Variants in UFM1 observed in about 807,000 individuals in gnomAD.
The protein encoded by UFM1 is ubiquitin fold modifier 1.
UFM1 carries 9 observed loss-of-function variants against 15.4 expected under a neutral mutation model. The ratio of observed to expected loss-of-function variants is 0.59; its 90% CI spans 0.35 to 1.02. The LOEUF (loss-of-function observed/expected upper bound fraction) is 1.02. UFM1 is among the 50% of genes least tolerant of loss of function. The probability of loss-of-function intolerance (pLI) is 0.02; values close to 1 mark genes in which losing one functional copy is unlikely to be tolerated. For missense variants in UFM1, 98 were observed against 104.7 expected, an observed-to-expected ratio of 0.94 and a Z score of 0.28; for synonymous variants, 27 against 36.3, an observed-to-expected ratio of 0.74 and a Z score of 0.92.
chr13:38,359,166 G>A (rs539064465), intron 4 of UFM1, 135 bp from the exon 5 acceptor site: 16 of 615,858 alleles, frequency 2.6e-5, no homozygotes, highest in African/African-American at 7.4e-5. Flanking sequence ...ATTGTCACTC[G>A]TGTTCTTGGA....
At chr13:38,355,707 A>G (rs908344175) in intron 3 of UFM1, among the ~76,000 whole-genome samples, 6 of 151,932 alleles carry the variant, frequency 3.9e-5, no homozygotes, top group South Asian at 2.1e-4. Context: ...TAAGAAAACC[A>G]TAAGAGAAAG....
rs191450183 is a variant in UFM1, at chr13:38,360,949, G to A, written c.*171G>A. ...TTGTCCATACTCTTCCTATGAAGAGGGAATGCGTATGAATTAAGGCTACTA... is the reference window on the plus strand; with the variant it reads ...TTGTCCATACTCTTCCTATGAAGAGAGAATGCGTATGAATTAAGGCTACTA... On this transcript the variant is annotated 3_prime_UTR_variant, in exon 6 of 6. Transcript: ENST00000239878. The A allele has an allele frequency of 2.9e-4, 148 of 518,066 alleles. 2 individuals are homozygous for A. The East Asian group carries it at 4.7e-3, about 16-fold the overall frequency. 32.1% of individuals were successfully genotyped at this position (518,066 alleles called of 1,614,324 possible). A position where few individuals can be genotyped will look rare whatever the true frequency, so the allele number is the denominator to read the frequency against.
Position 38,360,954 on chromosome 13 carries a change from G to A in UFM1, c.*176G>A. ...CATACTCTTCCTATGAAGAGGGAAT[G>A]CGTATGAATTAAGGCTACTACTGTC... On this transcript the variant is annotated 3_prime_UTR_variant, in exon 6 of 6. Coordinates refer to ENST00000239878, the MANE Select transcript of UFM1 (RefSeq NM_016617.4). 2.0e-6 allele frequency: 1 copy of A among 508,376 alleles called. No individual in the cohort carries two copies. The highest frequency in any genetic ancestry group is 3.5e-6 in the Non-Finnish European group (1 of 286,642). 31.5% of individuals were successfully genotyped at this position (508,376 alleles called of 1,614,324 possible). A position where few individuals can be genotyped will look rare whatever the true frequency, so the allele number is the denominator to read the frequency against.
At chr13:38,359,969 A>G in intron 5 of UFM1, 1 of 303,278 alleles carries the variant, frequency 3.3e-6, no homozygotes, top group Middle Eastern at 7.0e-4. Context: ...ACCTCATTCT[A>G]GAGCAGTAGT....
At chr13:38,359,240 C>G in intron 4 of UFM1, 61 bp from the exon 5 acceptor site, 1 of 1,539,794 alleles carries the variant, frequency 6.5e-7, no homozygotes, top group Non-Finnish European at 8.9e-7. Flanking sequence ...TCTTTCCTTG[C>G]TACTATTTAA....
At position 38,353,539 on chromosome 13, in the gene UFM1, GA is replaced by G. The variant is rs200415388; in HGVS notation, c.60-690del. 3.7e-3 allele frequency among the ~76,000 whole-genome samples: 552 copies of G among 147,630 alleles called. 2 individuals are homozygous for G. Among genetic ancestry groups the G allele is most frequent in the African/African-American group, 0.013 (508 of 40,324 alleles). On this transcript the variant is annotated intron_variant, in intron 2 of 5. Transcript: ENST00000239878. The stretch of plus-strand genomic sequence containing the variant: ...ATTGACCCTGGGACTAAGTCATTAA[GA>G]AAAAAAAAATATATTTATTCATGAT...
intron 3 of UFM1, chr13:38,354,518 A>G (rs902150220): frequency 1.8e-5 from 7 of 379,398 alleles, no homozygotes; most frequent in African/African-American, 1.5e-4. Flanking sequence ...TGAAAATTAT[A>G]AGAATTTAAT....
At chr13:38,350,149 G>A (rs751134835) in intron 2 of UFM1, 94 bp downstream of exon 2, 1 of 1,614,046 alleles carries the variant, frequency 6.2e-7, no homozygotes, top group South Asian at 1.1e-5. Context: ...ACCCCACGCA[G>A]TCTTCATCTC....
chr13:38,354,188 T>A (rs748118754), intron 2 of UFM1, 51 bp from the exon 3 acceptor site: 3 of 1,580,050 alleles, frequency 1.9e-6, no homozygotes, highest in East Asian at 4.5e-5. Flanking sequence ...AAAGGGGCTT[T>A]TTTAGAAAAT....
rs963171501 is a variant in UFM1, at chr13:38,361,957, A to G, written c.*1179A>G. 6.6e-6 allele frequency: 1 copy of G among 152,262 alleles called. No homozygotes were observed. Among genetic ancestry groups the G allele is most frequent in the African/African-American group, 2.4e-5 (1 of 41,474 alleles). 9.4% of individuals were successfully genotyped at this position (152,262 alleles called of 1,614,324 possible). A position where few individuals can be genotyped will look rare whatever the true frequency, so the allele number is the denominator to read the frequency against. On this transcript the variant is annotated 3_prime_UTR_variant, in exon 6 of 6. Transcript: ENST00000239878. ...AACAAAGTATCTACTGGCCTTGTCA[A>G]CATACAGACTTCAAAATACCCCTTA...
chr13:38,349,868 C>T lies in UFM1; in HGVS notation c.-52C>T, dbSNP rs1388930888. On this transcript the variant is annotated 5_prime_UTR_variant, in exon 1 of 6. Coordinates refer to ENST00000239878, the MANE Select transcript of UFM1 (RefSeq NM_016617.4). Reference sequence around the variant, plus strand: ...CGGTCCCCAGCACACTAGAGGAAGTCGTGCTACCCCCGCGGAGTTGTCGTG... The same window carrying T: ...CGGTCCCCAGCACACTAGAGGAAGTTGTGCTACCCCCGCGGAGTTGTCGTG... 6.2e-6 allele frequency: 10 copies of T among 1,614,066 alleles called. No homozygotes were observed. In the East Asian group the frequency reaches 1.6e-4, roughly 25 times the overall value.
Position 38,361,122 on chromosome 13 carries a change from G to A in UFM1, c.*344G>A, listed in dbSNP as rs551695552. The A allele has an allele frequency of 2.9e-4, 50 of 175,114 alleles. 1 individual carries two copies. The South Asian group carries it at 8.1e-3, about 28-fold the overall frequency. The allele number at this position is 175,114 out of a possible 1,614,324, so 10.8% of individuals were successfully genotyped here. A position where few individuals can be genotyped will look rare whatever the true frequency, so the allele number is the denominator to read the frequency against. On this transcript the variant is annotated 3_prime_UTR_variant, in exon 6 of 6. Coordinates refer to ENST00000239878, the MANE Select transcript of UFM1 (RefSeq NM_016617.4). ...TTGGAACATTAAAATTTACTGAATC[G>A]TATATATTCATCTGAGATAAAAATA...
At chr13:38,353,917 C>G (rs1025333297) in intron 2 of UFM1, among the ~76,000 whole-genome samples, 9 of 151,996 alleles carry the variant, frequency 5.9e-5, no homozygotes, top group Non-Finnish European at 1.0e-4. Context: ...TTTTTGAAAT[C>G]CATCTCTAGA....
rs2231330 is a variant in UFM1, at chr13:38,349,946, A to T, written c.2+25A>T. ...TGTAAGTGTTTGCTTACCGACTGCC[A>T]TAATTCCTGGTCCAGCTGCCCGACC... On this transcript the variant is annotated intron_variant, in intron 1 of 5. Transcript: ENST00000239878. 0.95 allele frequency: 1,540,142 copies of T among 1,614,048 alleles called. 740,008 individuals are homozygous for T. The highest frequency in any genetic ancestry group is 0.99 in the East Asian group (44,335 of 44,840).
At chr13:38,357,446 A>G (rs938615350) in intron 3 of UFM1, among the ~76,000 whole-genome samples, 7 of 151,914 alleles carry the variant, frequency 4.6e-5, no homozygotes, top group Non-Finnish European at 1.5e-5. Context: ...GTAATGTATA[A>G]TATAAGGTAC....
intron 5 of UFM1, among the ~76,000 whole-genome samples, chr13:38,360,373 T>G (rs1879314198): frequency 6.6e-6 from 1 of 152,084 alleles, no homozygotes. Flanking sequence ...TCTAAATTTT[T>G]GTCACTTGTA....
At chr13:38,358,257 T>A (rs541070904) in intron 4 of UFM1, 125 bp downstream of exon 4, 136 of 477,046 alleles carry the variant, frequency 2.9e-4, no homozygotes, top group African/African-American at 2.6e-3. Context: ...AATGATATAC[T>A]TACTGGTAAA....
At chr13:38,356,083 A>C (rs754488585) in intron 3 of UFM1, among the ~76,000 whole-genome samples, 3 of 151,924 alleles carry the variant, frequency 2.0e-5, no homozygotes, top group Non-Finnish European at 4.4e-5. Context: ...TCAGTACTGT[A>C]GGACAAAAAG....
chr13:38,356,873 A>G (rs187282611), intron 3 of UFM1, among the ~76,000 whole-genome samples: 45 of 152,036 alleles, frequency 3.0e-4, no homozygotes, highest in African/African-American at 1.1e-3. Context: ...AAGTTAGTCC[A>G]TAGCACAAAC....
Sources: gnomAD v4.1 joint callset for allele counts (sites outside exome capture counted in the v4.1 genomes callset) on GRCh38, gnomAD v4.1.1 for gene constraint, MANE v1.5 for transcripts, NCBI Gene and HGNC (gene_info 2026-07-23, HGNC 2026-07-21) for gene names.